COL15A1: variants seen among roughly 807,000 people sequenced by gnomAD.
The protein encoded by COL15A1 is collagen type XV alpha 1 chain.
Under a neutral mutation model 165.9 loss-of-function variants are expected in COL15A1, and 111 were observed. That is an observed-to-expected ratio of 0.67 (90% CI 0.57 to 0.78). The LOEUF is 0.78. Ranked by LOEUF, COL15A1 falls within the 30% of genes least tolerant of loss-of-function variation. The pLI, the probability that COL15A1 is intolerant of heterozygous loss-of-function variation, is 0.00. For missense variants in COL15A1, 1,745 were observed against 1,789.7 expected (o/e 0.98, Z 0.45); for synonymous variants, 659 against 674.8 (o/e 0.98, Z 0.36).
At chr9:98,963,510 T>A (rs916483934) in intron 2 of COL15A1, among the ~76,000 whole-genome samples, 2 of 152,176 alleles carry the variant, frequency 1.3e-5, no homozygotes, top group African/African-American at 4.8e-5. Context: ...TCCAGGTGGG[T>A]GGCATCACTC....
intron 5 of COL15A1, among the ~76,000 whole-genome samples, chr9:98,992,162 C>T (rs2900147): frequency 0.21 from 32,726 of 152,242 alleles, 4,027 homozygotes; most frequent in African/African-American, 0.34. Context: ...GAGCAGGGGG[C>T]GGTCCCCGTC....
chr9:99,056,376 A>C lies in COL15A1; in HGVS notation c.3309A>C (p.Pro1103=). Residue 1103 remains proline, a synonymous_variant, in exon 35 of 42, where the codon CCA becomes CCC. Coordinates refer to ENST00000375001, the MANE Select transcript of COL15A1 (RefSeq NM_001855.5). ...CTGGGCCACCGGGGCCCCCGGGGCC[A>C]CCAGGACCTCCAGCTATCCTGGGAG... ...GDPGPPGPPG[P]PGPPAILGAA... 6.2e-7 allele frequency: 1 copy of C among 1,612,722 alleles called. No individual in the cohort carries two copies. The highest frequency in any genetic ancestry group is 8.5e-7 in the Non-Finnish European group (1 of 1,179,852).
intron 2 of COL15A1, among the ~76,000 whole-genome samples, chr9:98,979,547 A>G (rs868720252): frequency 6.6e-6 from 1 of 152,072 alleles, no homozygotes; most frequent in East Asian, 1.9e-4. Flanking sequence ...GTATTCATTT[A>G]CTTTGCATAT....
At position 98,987,402 on chromosome 9, in the gene COL15A1, C is replaced by A. The variant is rs756174364; in HGVS notation, c.723+34C>A. ...CCCTACTATCCCACAGTGGGCCCTG[C>A]AACCCCAGCAGCCGCAGCCTGGGGA... On this transcript the variant is annotated intron_variant, in intron 4 of 41. Coordinates refer to ENST00000375001, the MANE Select transcript of COL15A1 (RefSeq NM_001855.5). The A allele has an allele frequency of 1.9e-6, 3 of 1,566,406 alleles. No homozygotes were observed. In the East Asian group the frequency reaches 7.2e-5, roughly 37 times the overall value.
intron 2 of COL15A1, among the ~76,000 whole-genome samples, chr9:98,973,379 T>C (rs996423584): frequency 3.9e-5 from 6 of 152,346 alleles, no homozygotes; most frequent in African/African-American, 1.4e-4. Context: ...AGAAAAATGC[T>C]CTTCTGTAAT....
chr9:99,005,146 G>A (rs1166397326), intron 9 of COL15A1, 96 bp downstream of exon 9: 6 of 1,297,116 alleles, frequency 4.6e-6, no homozygotes, highest in East Asian at 4.9e-5. Context: ...ACCCATGGGA[G>A]CCTGAGGCAC....
intron 7 of COL15A1, among the ~76,000 whole-genome samples, chr9:99,002,641 T>C (rs1191022620): frequency 6.6e-6 from 1 of 152,226 alleles, no homozygotes; most frequent in Non-Finnish European, 1.5e-5. Context: ...AAGAGTCTCA[T>C]TTTAACATCC....
At chr9:99,066,211 G>T (rs1232951691) in intron 39 of COL15A1, among the ~76,000 whole-genome samples, 1 of 151,758 alleles carries the variant, frequency 6.6e-6, no homozygotes, top group African/African-American at 2.4e-5. Context: ...GTAGTAGGAG[G>T]CTGGGTTTTG....
At chr9:98,961,557 A>G (rs897403432) in intron 2 of COL15A1, among the ~76,000 whole-genome samples, 8 of 152,208 alleles carry the variant, frequency 5.3e-5, no homozygotes, top group African/African-American at 1.9e-4. Context: ...GACAGCCTGA[A>G]TGTGGCTCGA....
intron 2 of COL15A1, among the ~76,000 whole-genome samples, chr9:98,947,949 GT>G (rs1837611367): frequency 6.6e-6 from 1 of 152,204 alleles, no homozygotes; most frequent in Admixed American, 6.5e-5. Flanking sequence ...ACTTAGATGA[GT>G]TGCTTTTCCC....
At chr9:98,985,446 A>G (rs556475020) in intron 2 of COL15A1, 119 bp from the exon 3 acceptor site, 3 of 1,005,780 alleles carry the variant, frequency 3.0e-6, no homozygotes, top group Admixed American at 2.9e-5. Context: ...CCATTTAGGA[A>G]CTACAGTTTC....
intron 2 of COL15A1, among the ~76,000 whole-genome samples, chr9:98,950,590 T>TCCTTCCATCCTTCCTTCCTTCCTCCCTC (rs1480826852): frequency 1.1e-5 from 1 of 93,866 alleles, no homozygotes; most frequent in African/African-American, 4.7e-5. Context: ...CTTCCTTCCT[T>TCCTTCCATCCTTCCTTCCTTCCTCCCTC]CCTCCCTCCC....
intron 9 of COL15A1, among the ~76,000 whole-genome samples, chr9:99,014,235 A>G (rs1428923717): frequency 6.6e-6 from 1 of 152,204 alleles, no homozygotes; most frequent in African/African-American, 2.4e-5. Context: ...GCTACTTACT[A>G]GAGATAGGTC....
intron 2 of COL15A1, among the ~76,000 whole-genome samples, chr9:98,977,628 T>C (rs1252433467): frequency 1.3e-5 from 2 of 150,856 alleles, no homozygotes; most frequent in Admixed American, 6.6e-5. Flanking sequence ...TCTACATTCA[T>C]GGCTGGCCTC....
intron 2 of COL15A1, among the ~76,000 whole-genome samples, chr9:98,980,536 C>G (rs542390968): frequency 1.1e-4 from 17 of 152,146 alleles, no homozygotes; most frequent in Non-Finnish European, 2.4e-4. Flanking sequence ...GGGGCTGTGT[C>G]AGGCATGTCA....
At chr9:99,023,332 T>G in intron 13 of COL15A1, 25 bp from the exon 14 acceptor site, 1 of 1,580,062 alleles carries the variant, frequency 6.3e-7, no homozygotes. Context: ...TAAATGCAAG[T>G]AGTGGAAATT....
At chr9:99,067,347 G>A (rs1825912510) in intron 40 of COL15A1, among the ~76,000 whole-genome samples, 1 of 152,174 alleles carries the variant, frequency 6.6e-6, no homozygotes, top group Admixed American at 6.5e-5. Flanking sequence ...TATCTTAATA[G>A]GGACTTCTAA....
chr9:98,951,051 C>T (rs79094933), intron 2 of COL15A1, among the ~76,000 whole-genome samples: 4,318 of 152,282 alleles, frequency 0.028, 247 homozygotes, highest in Admixed American at 0.14. Context: ...CTCTTGCTCC[C>T]TGGCAGTCTG....
intron 14 of COL15A1, among the ~76,000 whole-genome samples, chr9:99,024,120 A>G (rs975069867): frequency 1.1e-4 from 16 of 152,158 alleles, no homozygotes; most frequent in African/African-American, 3.9e-4. Flanking sequence ...CCTCATGGCC[A>G]GGGCTAGAAG....
Sources: gnomAD v4.1 joint callset for allele counts (sites outside exome capture counted in the v4.1 genomes callset) on GRCh38, gnomAD v4.1.1 for gene constraint, MANE v1.5 for transcripts, NCBI Gene and HGNC (gene_info 2026-07-23, HGNC 2026-07-21) for gene names.